Variants in DYNC1I2 observed in about 807,000 individuals in gnomAD.
DYNC1I2 encodes cytoplasmic dynein 1 intermediate chain 2.
A neutral mutation model predicts 88.6 loss-of-function variants in DYNC1I2; 53 were observed. The ratio of observed to expected loss-of-function variants is 0.60; its 90% CI spans 0.48 to 0.75. DYNC1I2 has a LOEUF of 0.75. Among genes scored for constraint, DYNC1I2 ranks in the 30% least tolerant of loss-of-function variants. The pLI is 0.00. For synonymous variants in DYNC1I2, 198 were observed against 254.6 expected, an observed-to-expected ratio of 0.78 and a Z score of 2.12; for missense variants, 458 against 766.6, an observed-to-expected ratio of 0.60 and a Z score of 4.75.
chr2:171,694,361 A>G (rs1335725078), intron 3 of DYNC1I2, among the ~76,000 whole-genome samples: 1 of 152,184 alleles, frequency 6.6e-6, no homozygotes. Context: ...GAGGCTGGGT[A>G]ACTTGAAAAG....
intron 10 of DYNC1I2, 178 bp from the exon 11 acceptor site, chr2:171,726,613 G>T (rs1218910193): frequency 1.6e-5 from 10 of 644,022 alleles, no homozygotes; most frequent in Non-Finnish European, 2.4e-6. Context: ...ATAATTAACT[G>T]TTCTAATTTA....
chr2:171,711,527 T>C (rs1325767119), intron 5 of DYNC1I2, among the ~76,000 whole-genome samples: 1 of 152,224 alleles, frequency 6.6e-6, no homozygotes, highest in Non-Finnish European at 1.5e-5. Flanking sequence ...ATAATGTAAA[T>C]GACAGAACAT....
In DYNC1I2 at chr2:171,729,819, C is replaced by T. The variant is rs370576278; in HGVS notation, c.1502C>T (p.Ser501Leu). ...VDFSHLFVTS[S>L]FDWTVKLWTT... ...TTCTCACATCTTTTTGTCACTTCAT[C>T]GTTTGACTGGACAGTAAAGCTTTGG... The change falls in exon 15 of 18, where the codon TCG becomes TTG. Residue 501 changes from serine (S) to leucine (L), a missense_variant. Physicochemically the swap from Ser to Leu is moderately radical, Grantham distance 145. Coordinates refer to ENST00000397119, the MANE Select transcript of DYNC1I2 (RefSeq NM_001378.3). 16 of 1,613,580 alleles carry T rather than the reference C, an allele frequency of 9.9e-6. No homozygotes were observed. The highest frequency in any genetic ancestry group is 1.4e-5 in the Non-Finnish European group (16 of 1,179,702).
rs115948502 is a variant in DYNC1I2 at position 171,688,930 on chromosome 2, A to G, written c.-9-1217A>G. On this transcript the variant is annotated intron_variant, in intron 1 of 17. Transcript: ENST00000397119. ...ACAGAGACATTGAAAGAGATTGATC[A>G]TTAGGCAATAAGTCAATCATGTGGA... Among the ~76,000 whole-genome samples, 1,459 of 152,278 alleles carry G rather than the reference A, an allele frequency of 9.6e-3. 35 individuals are homozygous for G. Among genetic ancestry groups the G allele is most frequent in the African/African-American group, 0.033 (1,376 of 41,568 alleles).
intron 4 of DYNC1I2, 183 bp downstream of exon 4, chr2:171,706,747 T>C (rs779227798): frequency 1.7e-4 from 84 of 489,138 alleles, no homozygotes; most frequent in Middle Eastern, 5.0e-4. Flanking sequence ...AATTGATATC[T>C]TTTTTTGGGG....
chr2:171,718,024 G>T (rs928413496), intron 7 of DYNC1I2, among the ~76,000 whole-genome samples: 2 of 144,144 alleles, frequency 1.4e-5, no homozygotes, highest in Non-Finnish European at 3.0e-5. Context: ...TGGTGCCATC[G>T]TAGCTCACTG....
intron 15 of DYNC1I2, among the ~76,000 whole-genome samples, chr2:171,731,726 G>T (rs138800689): frequency 6.8e-4 from 104 of 152,252 alleles, no homozygotes; most frequent in African/African-American, 2.4e-3. Context: ...GTCTGAGTGT[G>T]CCCTGCGATA....
At chr2:171,689,614 A>G (rs1386637503) in intron 1 of DYNC1I2, among the ~76,000 whole-genome samples, 3 of 152,182 alleles carry the variant, frequency 2.0e-5, no homozygotes, top group East Asian at 1.9e-4. Context: ...AGTGCTTACT[A>G]TGGGCTAGCT....
At chr2:171,742,713 T>C (rs971614205) in intron 15 of DYNC1I2, among the ~76,000 whole-genome samples, 3 of 152,232 alleles carry the variant, frequency 2.0e-5, no homozygotes, top group Non-Finnish European at 4.4e-5. Context: ...TCTCTGGCTT[T>C]TGCAAAGTGA....
At chr2:171,702,448 C>T (rs1306908872) in intron 3 of DYNC1I2, among the ~76,000 whole-genome samples, 1 of 152,094 alleles carries the variant, frequency 6.6e-6, no homozygotes, top group Non-Finnish European at 1.5e-5. Context: ...ATACAGGATA[C>T]GGATGAAGGC....
At chr2:171,718,101 C>T (rs1177431636) in intron 7 of DYNC1I2, among the ~76,000 whole-genome samples, 2 of 151,704 alleles carry the variant, frequency 1.3e-5, no homozygotes, top group East Asian at 3.9e-4. Context: ...TGACTACAGG[C>T]GTGCGCCACC....
intron 3 of DYNC1I2, among the ~76,000 whole-genome samples, chr2:171,702,645 A>AT (rs201106193): frequency 0.017 from 2,574 of 151,474 alleles, 57 homozygotes; most frequent in African/African-American, 0.053. Context: ...CCTAAAGTGG[A>AT]TTTTTTTTTC....
At chr2:171,717,417 G>A (rs1017052819) in intron 7 of DYNC1I2, among the ~76,000 whole-genome samples, 5 of 152,002 alleles carry the variant, frequency 3.3e-5, no homozygotes, top group Admixed American at 6.6e-5. Flanking sequence ...GCCCGGCCAT[G>A]TCCAAGTACT....
chr2:171,746,132 T>C (rs1188269257), intron 17 of DYNC1I2, among the ~76,000 whole-genome samples: 4 of 152,210 alleles, frequency 2.6e-5, no homozygotes, highest in Non-Finnish European at 5.9e-5. Flanking sequence ...GCAACAGATT[T>C]TGAGGGTAAT....
intron 3 of DYNC1I2, among the ~76,000 whole-genome samples, chr2:171,698,671 C>T (rs1685970673): frequency 6.6e-6 from 1 of 151,770 alleles, no homozygotes; most frequent in Non-Finnish European, 1.5e-5. Context: ...AGATCGAGAC[C>T]ATCCTGGCTA....
chr2:171,698,910 G>T (rs1685994363), intron 3 of DYNC1I2, among the ~76,000 whole-genome samples: 1 of 151,856 alleles, frequency 6.6e-6, no homozygotes, highest in African/African-American at 2.4e-5. Flanking sequence ...TGTTGCCTAG[G>T]CTGGTCTTGA....
chr2:171,731,285 G>A (rs761410502), intron 15 of DYNC1I2, among the ~76,000 whole-genome samples: 4 of 152,150 alleles, frequency 2.6e-5, no homozygotes, highest in Non-Finnish European at 4.4e-5. Flanking sequence ...AGCTAGCACA[G>A]GCTGAGCATC....
intron 4 of DYNC1I2, 172 bp from the exon 5 acceptor site, chr2:171,707,115 T>G: frequency 1.1e-6 from 1 of 908,646 alleles, no homozygotes; most frequent in Non-Finnish European, 1.7e-6. Flanking sequence ...TAACTTTTTG[T>G]CTTTTCCCCT....
intron 14 of DYNC1I2, among the ~76,000 whole-genome samples, chr2:171,729,410 A>G: frequency 6.6e-6 from 1 of 152,130 alleles, no homozygotes; most frequent in Admixed American, 6.6e-5. Flanking sequence ...AGTAGCCCAG[A>G]TTGTCTCTCT....
Sources: gnomAD v4.1 joint callset for allele counts (sites outside exome capture counted in the v4.1 genomes callset) on GRCh38, gnomAD v4.1.1 for gene constraint, MANE v1.5 for transcripts, NCBI Gene and HGNC (gene_info 2026-07-23, HGNC 2026-07-21) for gene names.